Variants in MECOM observed in about 807,000 individuals in gnomAD.
MECOM encodes the protein histone-lysine N-methyltransferase MECOM.
In MECOM, 13 loss-of-function variants were observed where a neutral mutation model predicts 116.3. The ratio of observed to expected loss-of-function variants is 0.11; its 90% CI spans 0.07 to 0.18. The LOEUF is 0.18. Among genes scored for constraint, MECOM ranks in the 10% least tolerant of loss-of-function variants. The probability of loss-of-function intolerance (pLI) is 1.00; values close to 1 mark genes in which losing one functional copy is unlikely to be tolerated. For missense variants in MECOM, 1,299 were observed against 1,509.0 expected (o/e 0.86, Z 2.31); for synonymous variants, 528 against 535.2 (o/e 0.99, Z 0.19).
At chr3:169,158,537 C>T (rs1253714051) in intron 2 of MECOM, among the ~76,000 whole-genome samples, 1 of 152,134 alleles carries the variant, frequency 6.6e-6, no homozygotes, top group Non-Finnish European at 1.5e-5. Flanking sequence ...CTATGAGTAT[C>T]GTGTTCCATC....
At chr3:169,434,344 A>C (rs1742267719) in intron 1 of MECOM, among the ~76,000 whole-genome samples, 1 of 152,174 alleles carries the variant, frequency 6.6e-6, no homozygotes, top group South Asian at 2.1e-4. Flanking sequence ...TGCCTACCAG[A>C]AATAATAGTA....
chr3:169,146,714 T>C, intron 2 of MECOM: 1 of 1,231,820 alleles, frequency 8.1e-7, no homozygotes, highest in Non-Finnish European at 1.0e-6. Flanking sequence ...AAGTGAGGAG[T>C]TCTCTTACCT....
At chr3:169,593,557 A>C (rs1324816842) in intron 1 of MECOM, among the ~76,000 whole-genome samples, 3 of 152,166 alleles carry the variant, frequency 2.0e-5, no homozygotes, top group Non-Finnish European at 4.4e-5. Context: ...CAGATTCCTC[A>C]ATGCTATCTG....
intron 2 of MECOM, among the ~76,000 whole-genome samples, chr3:169,173,271 C>G (rs1212746986): frequency 6.6e-6 from 1 of 152,124 alleles, no homozygotes; most frequent in East Asian, 1.9e-4. Context: ...CTCCTGGGAT[C>G]ATTTTCTCTG....
intron 1 of MECOM, among the ~76,000 whole-genome samples, chr3:169,656,287 C>T (rs1775535805): frequency 1.3e-5 from 2 of 152,186 alleles, no homozygotes; most frequent in Admixed American, 6.5e-5. Flanking sequence ...GACCCCTACA[C>T]ACATGTTTAC....
chr3:169,416,867 T>C (rs955917589), intron 1 of MECOM, among the ~76,000 whole-genome samples: 12 of 152,192 alleles, frequency 7.9e-5, no homozygotes, highest in African/African-American at 2.7e-4. Context: ...AAGGATTCCC[T>C]ATTTAATAAA....
At chr3:169,282,427 G>T (rs1320384363) in intron 2 of MECOM, among the ~76,000 whole-genome samples, 1 of 152,198 alleles carries the variant, frequency 6.6e-6, no homozygotes, top group Non-Finnish European at 1.5e-5. Context: ...AATCTAGGGA[G>T]AAGATAACAT....
At chr3:169,605,954 C>G (rs1487474614) in intron 1 of MECOM, among the ~76,000 whole-genome samples, 2 of 152,086 alleles carry the variant, frequency 1.3e-5, no homozygotes, top group African/African-American at 4.8e-5. Context: ...AGAGATGACT[C>G]TGTAAAGAAA....
At chr3:169,098,219 A>G (rs1722360798) in intron 12 of MECOM, among the ~76,000 whole-genome samples, 3 of 152,066 alleles carry the variant, frequency 2.0e-5, no homozygotes, top group Admixed American at 2.0e-4. Context: ...TAATATCACC[A>G]ATTTTCTCCA....
At chr3:169,545,218 C>T (rs1226482040) in intron 1 of MECOM, among the ~76,000 whole-genome samples, 3 of 152,136 alleles carry the variant, frequency 2.0e-5, no homozygotes, top group East Asian at 3.9e-4. Context: ...TTCGGTACCC[C>T]ATGACCAGTC....
intron 1 of MECOM, among the ~76,000 whole-genome samples, chr3:169,527,829 A>T (rs1051514161): frequency 6.6e-6 from 1 of 152,178 alleles, no homozygotes; most frequent in Non-Finnish European, 1.5e-5. Flanking sequence ...GAAAGCAAGG[A>T]AAAAACACAG....
At chr3:169,293,275 C>T (rs1714952439) in intron 2 of MECOM, among the ~76,000 whole-genome samples, 1 of 152,172 alleles carries the variant, frequency 6.6e-6, no homozygotes, top group South Asian at 2.1e-4. Context: ...CGTCTATTCA[C>T]CACACAGCCG....
intron 1 of MECOM, among the ~76,000 whole-genome samples, chr3:169,484,465 T>C (rs1038678428): frequency 6.6e-6 from 1 of 152,232 alleles, no homozygotes; most frequent in Non-Finnish European, 1.5e-5. Flanking sequence ...TTCTTTCCAA[T>C]ATTCTTTTCC....
intron 1 of MECOM, among the ~76,000 whole-genome samples, chr3:169,623,046 G>A (rs555451559): frequency 2.0e-5 from 3 of 152,252 alleles, no homozygotes; most frequent in Admixed American, 6.5e-5. Context: ...GAGAGAAATC[G>A]CACAAAGAAG....
At chr3:169,294,398 C>T (rs1474269598) in intron 2 of MECOM, among the ~76,000 whole-genome samples, 1 of 152,130 alleles carries the variant, frequency 6.6e-6, no homozygotes, top group African/African-American at 2.4e-5. Context: ...AAAAACATTG[C>T]TTTTAACTAA....
At chr3:169,367,403 G>A (rs1052048670) in intron 2 of MECOM, among the ~76,000 whole-genome samples, 2 of 148,922 alleles carry the variant, frequency 1.3e-5, no homozygotes, top group Non-Finnish European at 3.0e-5. Flanking sequence ...AATTTTTTTT[G>A]TAGTTACTGC....
At chr3:169,335,506 A>G (rs1723451818) in intron 2 of MECOM, among the ~76,000 whole-genome samples, 1 of 152,120 alleles carries the variant, frequency 6.6e-6, no homozygotes, top group East Asian at 1.9e-4. Context: ...AAGAACTTTT[A>G]CGAAATGGGC....
chr3:169,283,208 T>C (rs1416817550), intron 2 of MECOM, among the ~76,000 whole-genome samples: 2 of 151,978 alleles, frequency 1.3e-5, no homozygotes, highest in Non-Finnish European at 2.9e-5. Flanking sequence ...AATACACTTA[T>C]TACAAAAAAA....
At chr3:169,421,438 A>G (rs1433018899) in intron 1 of MECOM, among the ~76,000 whole-genome samples, 1 of 152,088 alleles carries the variant, frequency 6.6e-6, no homozygotes. Flanking sequence ...CCCATTGCCA[A>G]TCTCCTTTGC....
Sources: gnomAD v4.1 joint callset for allele counts (sites outside exome capture counted in the v4.1 genomes callset) on GRCh38, gnomAD v4.1.1 for gene constraint, MANE v1.5 for transcripts, NCBI Gene and HGNC (gene_info 2026-07-23, HGNC 2026-07-21) for gene names.